EDN1: variants seen among roughly 807,000 people sequenced by gnomAD.
EDN1 encodes endothelin-1.
EDN1 carries 11 observed loss-of-function variants against 21.7 expected under a neutral mutation model. The ratio of observed to expected loss-of-function variants is 0.51; its 90% CI spans 0.32 to 0.84. The LOEUF is 0.84. Ranked by LOEUF, EDN1 falls within the 40% of genes least tolerant of loss-of-function variation. The pLI is 0.03. For missense variants in EDN1, 244 were observed against 262.3 expected, an observed-to-expected ratio of 0.93 and a Z score of 0.48; for synonymous variants, 85 against 90.6, an observed-to-expected ratio of 0.94 and a Z score of 0.35.
the EDN1 span, among the ~76,000 whole-genome samples, chr6:12,237,457 AT>A: frequency 6.6e-6 from 1 of 152,306 alleles, no homozygotes; most frequent in South Asian, 2.1e-4. Flanking sequence ...TAAACTTACA[AT>A]TTTTTTATAA....
the EDN1 span, among the ~76,000 whole-genome samples, chr6:12,241,988 C>A: frequency 6.6e-6 from 1 of 152,194 alleles, no homozygotes; most frequent in Non-Finnish European, 1.5e-5. Flanking sequence ...GGAAGTTAAA[C>A]CATAACCCCG....
At chr6:12,291,873 T>A (rs977807191) in intron 1 of EDN1, among the ~76,000 whole-genome samples, 8 of 152,230 alleles carry the variant, frequency 5.3e-5, no homozygotes, top group African/African-American at 1.9e-4. Context: ...GGGTACCCCC[T>A]AAAGAGAGGG....
the EDN1 span, among the ~76,000 whole-genome samples, chr6:12,245,033 T>C: frequency 6.6e-6 from 1 of 152,326 alleles, no homozygotes; most frequent in East Asian, 1.9e-4. Flanking sequence ...GTCTTATCAA[T>C]ATCACCCATA....
the EDN1 span, among the ~76,000 whole-genome samples, chr6:12,275,080 A>C: frequency 6.7e-6 from 1 of 148,412 alleles, no homozygotes; most frequent in African/African-American, 2.5e-5. Context: ...TTCCTTCCAG[A>C]TTTCAATGTT....
At chr6:12,243,581 C>T in the EDN1 span, among the ~76,000 whole-genome samples, 1 of 152,132 alleles carries the variant, frequency 6.6e-6, no homozygotes, top group Admixed American at 6.5e-5. Context: ...TATACTGGTG[C>T]CTGGCTCAGA....
the EDN1 span, among the ~76,000 whole-genome samples, chr6:12,245,589 T>TCATA: frequency 3.7e-4 from 56 of 152,352 alleles, no homozygotes; most frequent in Non-Finnish European, 6.9e-4. Context: ...TCTCTTAGCC[T>TCATA]GGGCTATGTC....
the EDN1 span, among the ~76,000 whole-genome samples, chr6:12,249,186 A>C: frequency 6.6e-6 from 1 of 152,190 alleles, no homozygotes; most frequent in Non-Finnish European, 1.5e-5. Context: ...CTGCTGGTCC[A>C]TGAACTGTAC....
chr6:12,294,918 G>GTTTTTTTTTTT (rs757628744), intron 4 of EDN1, among the ~76,000 whole-genome samples: 5 of 32,684 alleles, frequency 1.5e-4, no homozygotes, highest in African/African-American at 4.2e-4. Flanking sequence ...CAGGTTTATG[G>GTTTTTTTTTTT]TCTTTTTTTT....
At position 12,295,999 on chromosome 6, in the gene EDN1, C is replaced by T; in HGVS notation, c.571C>T (p.His191Tyr). 6.2e-7 allele frequency: 1 copy of T among 1,614,076 alleles called. No homozygotes were observed. Among genetic ancestry groups the T allele is most frequent in the Non-Finnish European group, 8.5e-7 (1 of 1,180,016 alleles). The change falls in exon 5 of 5, where the codon CAT becomes TAT. Residue 191 changes from histidine (H) to tyrosine (Y), a missense_variant. By Grantham distance (83) the His-to-Tyr change is moderately conservative (BLOSUM62 2). Coordinates refer to ENST00000379375, the MANE Select transcript of EDN1 (RefSeq NM_001955.5). ...TMRNSVKSSF[H>Y]DPKLKGKPSR... Reference sequence around the variant, plus strand: ...GAGAAACAGCGTCAAATCATCTTTTCATGATCCCAAGCTGAAAGGCAAGCC... The same window carrying T: ...GAGAAACAGCGTCAAATCATCTTTTTATGATCCCAAGCTGAAAGGCAAGCC...
the EDN1 span, among the ~76,000 whole-genome samples, chr6:12,267,026 T>C: frequency 6.6e-6 from 1 of 152,234 alleles, no homozygotes; most frequent in Non-Finnish European, 1.5e-5. Context: ...AATATATTGT[T>C]AAAATGTTGT....
At chr6:12,278,589 T>C in the EDN1 span, among the ~76,000 whole-genome samples, 1 of 152,034 alleles carries the variant, frequency 6.6e-6, no homozygotes, top group African/African-American at 2.4e-5. Flanking sequence ...CATTTAAAAA[T>C]CTCTTGCAAA....
the EDN1 span, among the ~76,000 whole-genome samples, chr6:12,248,580 C>G: frequency 6.6e-6 from 1 of 152,200 alleles, no homozygotes; most frequent in Non-Finnish European, 1.5e-5. Context: ...AATAGCCACA[C>G]TCCACTGAAT....
chr6:12,258,448 T>TAAAAAAAAA, the EDN1 span, among the ~76,000 whole-genome samples: 319 of 27,712 alleles, frequency 0.012, 61 homozygotes, highest in African/African-American at 0.021. Context: ...AGATCATGTC[T>TAAAAAAAAA]CAAAAAAAAA....
chr6:12,282,296 TG>T, the EDN1 span, among the ~76,000 whole-genome samples: 1 of 152,202 alleles, frequency 6.6e-6, no homozygotes, highest in Non-Finnish European at 1.5e-5. Context: ...AGAATGGATG[TG>T]GTGGGAGAAA....
chr6:12,272,029 G>C, the EDN1 span, among the ~76,000 whole-genome samples: 2 of 152,126 alleles, frequency 1.3e-5, no homozygotes, highest in Non-Finnish European at 2.9e-5. Context: ...GACTAAGCTA[G>C]AAAGAGAGAA....
At chr6:12,252,056 G>A in the EDN1 span, among the ~76,000 whole-genome samples, 3 of 152,124 alleles carry the variant, frequency 2.0e-5, no homozygotes, top group East Asian at 1.9e-4. Context: ...TTGCTTGATA[G>A]CACTTTTGTA....
chr6:12,248,513 G>T, the EDN1 span, among the ~76,000 whole-genome samples: 1 of 152,196 alleles, frequency 6.6e-6, no homozygotes. Context: ...TGAGCAGACT[G>T]AATGTATATG....
At chr6:12,277,040 A>G in the EDN1 span, among the ~76,000 whole-genome samples, 2 of 152,200 alleles carry the variant, frequency 1.3e-5, no homozygotes, top group African/African-American at 4.8e-5. Context: ...TCACCTGATT[A>G]TTATGCTGGT....
the EDN1 span, among the ~76,000 whole-genome samples, chr6:12,232,149 T>TTTATAATATAATATAATAAAGTGTATA: frequency 1.2e-5 from 1 of 86,410 alleles, no homozygotes; most frequent in Non-Finnish European, 3.1e-5. Flanking sequence ...TAATAAAGTG[T>TTTATAATATAATATAATAAAGTGTATA]TTATATTTAT....
Sources: gnomAD v4.1 joint callset for allele counts (sites outside exome capture counted in the v4.1 genomes callset) on GRCh38, gnomAD v4.1.1 for gene constraint, MANE v1.5 for transcripts, NCBI Gene and HGNC (gene_info 2026-07-23, HGNC 2026-07-21) for gene names.